The following FGFR2 variants were observed in gnomAD, a reference collection of about 807,000 sequenced individuals.
FGFR2 encodes fibroblast growth factor receptor 2, also known as BEK fibroblast growth factor receptor.
Under a neutral mutation model 95.9 loss-of-function variants are expected in FGFR2, and 19 were observed. That is an observed-to-expected ratio of 0.20 (90% confidence interval 0.14 to 0.29). The LOEUF is 0.29. FGFR2 is among the 10% of genes least tolerant of loss of function. The probability of loss-of-function intolerance (pLI) is 1.00; values close to 1 mark genes in which losing one functional copy is unlikely to be tolerated. For synonymous variants in FGFR2, 392 were observed against 393.3 expected, an observed-to-expected ratio of 1.00 and a Z score of 0.04; for missense variants, 707 against 1,056.9, an observed-to-expected ratio of 0.67 and a Z score of 4.59.
chr10:121,498,110 T>C (rs1847118950), intron 12 of FGFR2, among the ~76,000 whole-genome samples: 1 of 152,236 alleles, frequency 6.6e-6, no homozygotes, highest in South Asian at 2.1e-4. Context: ...ATGTGGATTC[T>C]TCAATCCCTG....
In FGFR2 at chr10:121,532,998, C is replaced by T. The variant is rs1036358477; in HGVS notation, c.748+5594G>A. Among the ~76,000 whole-genome samples, 140 of 152,300 alleles carry T rather than the reference C, an allele frequency of 9.2e-4. 1 individual carries two copies. The highest frequency in any genetic ancestry group is 8.4e-4 in the Non-Finnish European group (57 of 68,030). On this transcript the variant is annotated intron_variant, in intron 6 of 17. Transcript: ENST00000358487. ...GCCTGACCCATCCAGAAGTGACATG[C>T]GGCCTCTGATGGGCCCCCAAACAAC...
intron 4 of FGFR2, among the ~76,000 whole-genome samples, chr10:121,555,245 T>C (rs752652419): frequency 6.6e-6 from 1 of 152,098 alleles, no homozygotes; most frequent in East Asian, 1.9e-4. Context: ...TGGTGACGCA[T>C]GGCTGTAGTC....
At chr10:121,490,870 G>A (rs77452505) in intron 13 of FGFR2, among the ~76,000 whole-genome samples, 3,178 of 152,300 alleles carry the variant, frequency 0.021, 53 homozygotes, top group Middle Eastern at 0.037. Context: ...AAGCCCAGAA[G>A]CGGGAAAGCA....
intron 2 of FGFR2, among the ~76,000 whole-genome samples, chr10:121,581,788 C>A (rs1178201679): frequency 7.8e-6 from 1 of 128,992 alleles, no homozygotes; most frequent in South Asian, 2.5e-4. Flanking sequence ...AAAAAAAAAG[C>A]AGCAGCAGCA....
chr10:121,563,722 A>C (rs1036748941), intron 4 of FGFR2, among the ~76,000 whole-genome samples: 5 of 152,216 alleles, frequency 3.3e-5, no homozygotes, highest in African/African-American at 1.2e-4. Flanking sequence ...ACAGAAGTGA[A>C]ATGAGCAACT....
chr10:121,574,091 C>T (rs1381366190), intron 2 of FGFR2, among the ~76,000 whole-genome samples: 1 of 152,180 alleles, frequency 6.6e-6, no homozygotes, highest in Non-Finnish European at 1.5e-5. Flanking sequence ...GTAAGAAGTC[C>T]TCACTGGTCA....
chr10:121,508,345 A>C (rs1589797009), intron 9 of FGFR2, among the ~76,000 whole-genome samples: 2 of 152,300 alleles, frequency 1.3e-5, no homozygotes, highest in African/African-American at 4.8e-5. Flanking sequence ...GGAGTCAGGG[A>C]ATCATCTCAG....
chr10:121,585,904 T>C (rs1861750043), intron 2 of FGFR2, among the ~76,000 whole-genome samples: 1 of 152,220 alleles, frequency 6.6e-6, no homozygotes, highest in African/African-American at 2.4e-5. Flanking sequence ...GAAGGCTCCT[T>C]AAGGCAGCCA....
chr10:121,509,495 T>C (rs1181695501), intron 9 of FGFR2, among the ~76,000 whole-genome samples: 3 of 109,302 alleles, frequency 2.7e-5, no homozygotes, highest in East Asian at 4.6e-4. Context: ...TTTTTTTTTT[T>C]TTTTTTTTTT....
Position 121,531,036 on chromosome 10 carries a change from G to T in FGFR2, c.748+7556C>A, listed in dbSNP as rs930016708. 2.6e-5 allele frequency among the ~76,000 whole-genome samples: 4 copies of T among 152,126 alleles called. No individual in the cohort carries two copies. Among genetic ancestry groups the T allele is most frequent in the African/African-American group, 9.7e-5 (4 of 41,434 alleles). On this transcript the variant is annotated intron_variant, in intron 6 of 17. Coordinates refer to ENST00000358487, the MANE Select transcript of FGFR2 (RefSeq NM_000141.5). The surrounding 1 kb of genome is among the most constrained non-coding windows in gnomAD (Gnocchi z 4.5). ...GCCCACACCATAAATGAAATGCCAA[G>T]ATTAAATGCCAGACCAAATATTAGC...
chr10:121,527,633 T>A (rs1408139182), intron 6 of FGFR2: 1 of 152,120 alleles, frequency 6.6e-6, no homozygotes, highest in Non-Finnish European at 1.5e-5. Flanking sequence ...TGACAATATC[T>A]CAGAGTGAAC....
At chr10:121,536,198 C>A (rs190713933) in intron 6 of FGFR2, among the ~76,000 whole-genome samples, 206 of 152,272 alleles carry the variant, frequency 1.4e-3, no homozygotes, top group Admixed American at 2.4e-3. Flanking sequence ...TCTATATGAG[C>A]CTCTTTAGCT....
chr10:121,502,561 A>G (rs796324124), intron 10 of FGFR2, among the ~76,000 whole-genome samples: 4 of 152,344 alleles, frequency 2.6e-5, no homozygotes, highest in South Asian at 2.1e-4. Flanking sequence ...TGCCAGCCAC[A>G]TAAGCTACCT....
chr10:121,547,999 T>C (rs1201706713), intron 5 of FGFR2, among the ~76,000 whole-genome samples: 1 of 152,116 alleles, frequency 6.6e-6, no homozygotes, highest in African/African-American at 2.4e-5. Context: ...CCTTTTCAAG[T>C]CCCGGAAGCC....
intron 2 of FGFR2, among the ~76,000 whole-genome samples, chr10:121,580,472 TC>T (rs1554860750): frequency 8.6e-3 from 1 of 116 alleles, no homozygotes; most frequent in Non-Finnish European, 0.026. Flanking sequence ...CTGGCCAGCA[TC>T]TCGAAACCCG....
At chr10:121,519,651 G>A (rs1850210781) in intron 7 of FGFR2, among the ~76,000 whole-genome samples, 1 of 152,130 alleles carries the variant, frequency 6.6e-6, no homozygotes, top group Non-Finnish European at 1.5e-5. Context: ...CGCCCTATGG[G>A]GGACAGAGTA....
intron 12 of FGFR2, among the ~76,000 whole-genome samples, chr10:121,496,935 A>G (rs1846919327): frequency 6.6e-6 from 1 of 151,470 alleles, no homozygotes; most frequent in Non-Finnish European, 1.5e-5. Context: ...GTTCAAGACC[A>G]GCCTGGCCAG....
chr10:121,480,384 G>GCGACC, intron 17 of FGFR2: 1 of 374,756 alleles, frequency 2.7e-6, no homozygotes, highest in South Asian at 3.1e-5. Flanking sequence ...GCTTCACACG[G>GCGACC]ACCTAAATAA....
In FGFR2 at chr10:121,500,961, T is replaced by C. The variant is rs1053077541; in HGVS notation, c.1440-14A>G. 2.6e-5 allele frequency: 42 copies of C among 1,613,466 alleles called. No homozygotes were observed. The highest frequency in any genetic ancestry group is 1.8e-4 in the East Asian group (8 of 44,904). Reference sequence around the variant, plus strand: ...CCCAGTGTCAGCCTAAATGTGTAAATAGGGGATTAGCACATAGCATCTGGT... The same window carrying C: ...CCCAGTGTCAGCCTAAATGTGTAAACAGGGGATTAGCACATAGCATCTGGT... On this transcript the variant is annotated splice_polypyrimidine_tract_variant and intron_variant, in intron 10 of 17. Coordinates refer to ENST00000358487, the MANE Select transcript of FGFR2 (RefSeq NM_000141.5).
Sources: allele counts gnomAD v4.1 joint callset (sites outside exome capture counted in the v4.1 genomes callset), GRCh38; gene constraint gnomAD v4.1.1; non-coding constraint Gnocchi (gnomAD v3.1); transcripts MANE v1.5; gene names NCBI Gene and HGNC (gene_info 2026-07-23, HGNC 2026-07-21).